The following OTUD7B variants were observed in gnomAD, a reference collection of about 807,000 sequenced individuals.
OTUD7B encodes OTU domain-containing protein 7B.
In OTUD7B, 34 loss-of-function variants were observed where a neutral mutation model predicts 82.2. That is an observed-to-expected ratio of 0.41 (90% CI 0.31 to 0.55). OTUD7B has a LOEUF of 0.55. Ranked by LOEUF, OTUD7B falls within the 20% of genes least tolerant of loss-of-function variation. The probability of loss-of-function intolerance (pLI) is 0.20; values close to 1 mark genes in which losing one functional copy is unlikely to be tolerated. For synonymous variants in OTUD7B, 398 were observed against 402.7 expected, an observed-to-expected ratio of 0.99 and a Z score of 0.14; for missense variants, 944 against 1,062.1, an observed-to-expected ratio of 0.89 and a Z score of 1.55.
chr1:150,042,101 C>A, the OTUD7B span, among the ~76,000 whole-genome samples: 1 of 119,434 alleles, frequency 8.4e-6, no homozygotes, highest in African/African-American at 3.3e-5. Context: ...TGCAGAGGTG[C>A]AGACCCTCCC....
At chr1:149,974,169 G>A (rs1412567953) in intron 2 of OTUD7B, among the ~76,000 whole-genome samples, 8 of 152,002 alleles carry the variant, frequency 5.3e-5, no homozygotes, top group African/African-American at 7.3e-5. Flanking sequence ...GGGTTCAGGC[G>A]ATTCTCACGC....
At position 149,955,674 on chromosome 1, in the gene OTUD7B, T is replaced by C. The variant is rs587638680; in HGVS notation, c.845+4010A>G. 1.7e-4 allele frequency among the ~76,000 whole-genome samples: 26 copies of C among 152,144 alleles called. 1 individual carries two copies. In the South Asian group the frequency reaches 5.2e-3, roughly 30 times the overall value. ...GTCTCCCATTATTATTGTGTGGGAG[T>C]CTAAGTCTCTCTGTAGGTCTCTAAG... On this transcript the variant is annotated intron_variant, in intron 7 of 11. Transcript: ENST00000581312.
the OTUD7B span, among the ~76,000 whole-genome samples, chr1:150,043,380 T>G: frequency 6.6e-6 from 1 of 152,190 alleles, no homozygotes; most frequent in Non-Finnish European, 1.5e-5. Flanking sequence ...AAGAATTGGT[T>G]GGCAGAACAT....
At chr1:150,062,688 TTTTC>T in the OTUD7B span, among the ~76,000 whole-genome samples, 59 of 149,814 alleles carry the variant, frequency 3.9e-4, no homozygotes, top group African/African-American at 7.6e-4. Context: ...CATACATTTG[TTTTC>T]TTTTTCTTCT....
intron 6 of OTUD7B, chr1:149,963,563 T>TTG (rs1649306895): frequency 6.6e-6 from 1 of 150,744 alleles, no homozygotes; most frequent in African/African-American, 2.4e-5. Context: ...TTTTTTGTTT[T>TTG]TTTTTTTCTT....
the OTUD7B span, among the ~76,000 whole-genome samples, chr1:150,053,499 C>T: frequency 6.6e-6 from 1 of 151,452 alleles, no homozygotes; most frequent in African/African-American, 2.4e-5. Context: ...TGGGTTCAAT[C>T]GATTCTCCTG....
At chr1:149,989,517 G>A (rs1420251856) in intron 1 of OTUD7B, among the ~76,000 whole-genome samples, 1 of 148,724 alleles carries the variant, frequency 6.7e-6, no homozygotes, top group East Asian at 2.0e-4. Context: ...TGGGCCAGGT[G>A]CAGTGGCACA....
At chr1:149,994,183 A>C (rs1203633688) in intron 1 of OTUD7B, among the ~76,000 whole-genome samples, 2 of 151,998 alleles carry the variant, frequency 1.3e-5, no homozygotes, top group Non-Finnish European at 2.9e-5. Context: ...AACAAGTGCT[A>C]ACTTTGCAGT....
At chr1:150,050,968 C>A in the OTUD7B span, among the ~76,000 whole-genome samples, 1 of 151,122 alleles carries the variant, frequency 6.6e-6, no homozygotes, top group Non-Finnish European at 1.5e-5. Context: ...GTGGCTCACG[C>A]CTGTAATTCC....
upstream of OTUD7B, among the ~76,000 whole-genome samples, chr1:150,010,989 G>A (rs1653013387): frequency 6.6e-6 from 1 of 152,210 alleles, no homozygotes; most frequent in Non-Finnish European, 1.5e-5. Flanking sequence ...GGACTCTGGG[G>A]TAGAATCAGT....
chr1:149,952,257 T>C (rs1648319069), intron 7 of OTUD7B, among the ~76,000 whole-genome samples: 1 of 140,354 alleles, frequency 7.1e-6, no homozygotes, highest in Admixed American at 7.4e-5. Flanking sequence ...TGTCCAAGTG[T>C]TCTTATTGTT....
At chr1:150,042,435 A>G in the OTUD7B span, among the ~76,000 whole-genome samples, 8 of 151,724 alleles carry the variant, frequency 5.3e-5, no homozygotes, top group African/African-American at 1.9e-4. Context: ...CAGCCTCCCT[A>G]AGTGCTGGGA....
intron 11 of OTUD7B, among the ~76,000 whole-genome samples, chr1:149,946,801 C>T (rs1381467857): frequency 2.7e-5 from 4 of 148,434 alleles, no homozygotes; most frequent in Admixed American, 2.0e-4. Context: ...ACTTGTAATC[C>T]CAGCACTGTG....
Position 149,942,978 on chromosome 1 carries a change from G to A in OTUD7B, c.*879C>T, listed in dbSNP as rs899868386. 3 of 152,268 alleles carry A rather than the reference G, an allele frequency of 2.0e-5. No individual in the cohort carries two copies. The highest frequency in any genetic ancestry group is 6.6e-5 in the Admixed American group (1 of 15,238). 9.4% of individuals were successfully genotyped at this position (152,268 alleles called of 1,614,324 possible). On this transcript the variant is annotated 3_prime_UTR_variant, in exon 12 of 12. Coordinates refer to ENST00000581312, the MANE Select transcript of OTUD7B (RefSeq NM_020205.4). ...ATGTCTGTCCTCCCACCCCTCCCAA[G>A]GTGCACTCAAACCCCAACGTATGGT...
At chr1:150,022,218 T>C in the OTUD7B span, among the ~76,000 whole-genome samples, 1 of 151,570 alleles carries the variant, frequency 6.6e-6, no homozygotes, top group Non-Finnish European at 1.5e-5. Context: ...GCCAACATGG[T>C]GAAACCCCGT....
chr1:149,946,116 C>T (rs60525620), intron 11 of OTUD7B, among the ~76,000 whole-genome samples: 2,030 of 148,214 alleles, frequency 0.014, 41 homozygotes, highest in African/African-American at 0.045. Context: ...CGGTGGCTCA[C>T]GCCTGTAATC....
At chr1:149,987,994 G>A (rs587712622) in intron 1 of OTUD7B, among the ~76,000 whole-genome samples, 1 of 152,198 alleles carries the variant, frequency 6.6e-6, no homozygotes, top group East Asian at 1.9e-4. Flanking sequence ...TCCCCCACCT[G>A]TACCTCTTAC....
At chr1:150,059,303 C>T in the OTUD7B span, among the ~76,000 whole-genome samples, 3 of 38,574 alleles carry the variant, frequency 7.8e-5, no homozygotes, top group Non-Finnish European at 2.5e-4. Context: ...TCCACCCCCC[C>T]CCCCCCCGCC....
the OTUD7B span, among the ~76,000 whole-genome samples, chr1:150,022,880 C>A: frequency 1.3e-5 from 2 of 152,316 alleles, no homozygotes; most frequent in East Asian, 3.9e-4. Context: ...AGTCTCTTTA[C>A]CCAGCAGCAG....
Sources: gnomAD v4.1 joint callset for allele counts (sites outside exome capture counted in the v4.1 genomes callset) on GRCh38, gnomAD v4.1.1 for gene constraint, MANE v1.5 for transcripts, NCBI Gene and HGNC (gene_info 2026-07-23, HGNC 2026-07-21) for gene names.